PLIN1: variants seen among roughly 807,000 people sequenced by gnomAD.
The protein encoded by PLIN1 is perilipin-1.
Under a neutral mutation model 45.8 loss-of-function variants are expected in PLIN1, and 37 were observed. The observed-to-expected ratio is 0.81, with a 90% CI of 0.62 to 1.06. The LOEUF (loss-of-function observed/expected upper bound fraction) is 1.06. Ranked by LOEUF, PLIN1 falls within the 50% of genes least tolerant of loss-of-function variation. PLIN1 has a pLI of 0.00. For synonymous variants in PLIN1, 340 were observed against 309.2 expected (o/e 1.10, Z -1.05); for missense variants, 776 against 716.5 (o/e 1.08, Z -0.95).
intron 4 of PLIN1, 139 bp from the exon 5 acceptor site, chr15:89,670,383 G>A: frequency 1.2e-6 from 1 of 855,412 alleles, no homozygotes; most frequent in South Asian, 1.8e-5. Context: ...TGATATTTAG[G>A]TACCTGGAAT....
In PLIN1 at chr15:89,674,789, G is replaced by A. The variant is rs927451861; in HGVS notation, c.46-1375C>T. Among the ~76,000 whole-genome samples the A allele has an allele frequency of 4.6e-5, 7 of 152,122 alleles. No homozygotes were observed. In the South Asian group the frequency reaches 1.0e-3, roughly 23 times the overall value. On this transcript the variant is annotated intron_variant, in intron 2 of 8. Coordinates refer to ENST00000300055, the MANE Select transcript of PLIN1 (RefSeq NM_002666.5). Reference sequence around the variant, plus strand: ...TTAAATGGCTCCAGTTCCTAACTTCGTTTACAAATGGTTCACACTGTGGTC... The same window carrying A: ...TTAAATGGCTCCAGTTCCTAACTTCATTTACAAATGGTTCACACTGTGGTC...
Position 89,665,518 on chromosome 15 carries a change from G to C in PLIN1, c.*65C>G. On this transcript the variant is annotated 3_prime_UTR_variant, in exon 9 of 9. Transcript: ENST00000300055. ...GAAAGTGGCAACGCTCGCCTGGGCA[G>C]TGCGGGTTCTGTTTATTTGTTAGAG... 3.3e-6 allele frequency: 5 copies of C among 1,493,796 alleles called. No homozygotes were observed. The highest frequency in any genetic ancestry group is 4.5e-6 in the Non-Finnish European group (5 of 1,117,078). 92.5% of individuals were successfully genotyped at this position (1,493,796 alleles called of 1,614,324 possible).
intron 5 of PLIN1, 131 bp downstream of exon 5, chr15:89,669,849 T>C (rs1964409949): frequency 1.0e-6 from 1 of 986,962 alleles, no homozygotes; most frequent in East Asian, 2.6e-5. Flanking sequence ...GGTAAATGAT[T>C]ATGAATCCAT....
chr15:89,670,953 C>A (rs1005623683), intron 4 of PLIN1, among the ~76,000 whole-genome samples: 1 of 152,144 alleles, frequency 6.6e-6, no homozygotes, highest in East Asian at 1.9e-4. Context: ...GATAGTTGGT[C>A]AGTGAGATAG....
chr15:89,677,314 C>A, intron 2 of PLIN1, 131 bp downstream of exon 2: 1 of 831,538 alleles, frequency 1.2e-6, no homozygotes. Context: ...AATAACTAAG[C>A]CATGGTAGTC....
chr15:89,673,569 A>T (rs933915189), intron 2 of PLIN1, among the ~76,000 whole-genome samples, 155 bp from the exon 3 acceptor site: 1 of 152,154 alleles, frequency 6.6e-6, no homozygotes, highest in African/African-American at 2.4e-5. Context: ...TGCCCCAATC[A>T]TGGGAGCGTG....
At chr15:89,668,514 A>AT (rs1258998276) in intron 6 of PLIN1, among the ~76,000 whole-genome samples, 2 of 152,218 alleles carry the variant, frequency 1.3e-5, no homozygotes, top group African/African-American at 4.8e-5. Flanking sequence ...AGAGTGAAAA[A>AT]TTCAATGAAC....
At chr15:89,669,452 C>A (rs768459291) in intron 6 of PLIN1, 48 bp downstream of exon 6, 4 of 1,535,542 alleles carry the variant, frequency 2.6e-6, no homozygotes, top group Non-Finnish European at 3.6e-6. Flanking sequence ...AGGAGGCCCA[C>A]AGGGCTCCCA....
At chr15:89,671,030 C>A (rs954648124) in intron 4 of PLIN1, among the ~76,000 whole-genome samples, 2 of 152,118 alleles carry the variant, frequency 1.3e-5, no homozygotes, top group Non-Finnish European at 2.9e-5. Flanking sequence ...TAGCAACTAC[C>A]CAATAAATAT....
chr15:89,666,350 G>C (rs528631866), intron 8 of PLIN1, among the ~76,000 whole-genome samples: 2 of 152,276 alleles, frequency 1.3e-5, no homozygotes, highest in Admixed American at 6.5e-5. Context: ...CTGCTTGGTA[G>C]AGTGACTGAG....
intron 2 of PLIN1, among the ~76,000 whole-genome samples, chr15:89,676,448 T>A (rs8179054): frequency 9.9e-5 from 15 of 152,058 alleles, no homozygotes; most frequent in African/African-American, 3.6e-4. Context: ...GGGGTTTCAC[T>A]GTGTTAGCCA....
intron 8 of PLIN1, among the ~76,000 whole-genome samples, chr15:89,666,239 T>A (rs979071404): frequency 1.3e-5 from 2 of 152,176 alleles, no homozygotes; most frequent in Non-Finnish European, 2.9e-5. Flanking sequence ...TCCTAACTCT[T>A]CCTTGCAGCC....
chr15:89,673,275 A>G lies in PLIN1; in HGVS notation c.185T>C (p.Val62Ala). ...GGCAGCCAAGCTACTGGCGCTCTGC[A>G]CGCCCTTCTCATAGGCATTGCACAC... is the stretch of plus-strand genomic sequence containing the variant. The part of the protein sequence containing the change: ...ASVCNAYEKG[V>A]QSASSLAAWS... The change falls in exon 3 of 9, where the codon GTG becomes GCG. Residue 62 changes from valine (V) to alanine (A), a missense_variant. Transcript: ENST00000300055. 1.9e-6 allele frequency: 3 copies of G among 1,581,926 alleles called. No individual in the cohort carries two copies. The highest frequency in any genetic ancestry group is 1.2e-5 in the South Asian group (1 of 86,594).
intron 1 of PLIN1, 95 bp from the exon 2 acceptor site, chr15:89,677,598 G>A: frequency 9.8e-7 from 1 of 1,023,276 alleles, no homozygotes; most frequent in Non-Finnish European, 1.6e-6. Flanking sequence ...CTAGGCCCAG[G>A]CTGCCTGGGG....
Position 89,665,066 on chromosome 15 carries a change from C to G in PLIN1, c.*517G>C, listed in dbSNP as rs1457028249. On this transcript the variant is annotated 3_prime_UTR_variant, in exon 9 of 9. Transcript: ENST00000300055. The stretch of plus-strand genomic sequence containing the variant: ...ATCTGATTGTTCCCTTCAAAGTAGC[C>G]TGCTGGGAGCCTAGATCATCAGAGG... 25 of 386,192 alleles carry G rather than the reference C, an allele frequency of 6.5e-5. No homozygotes were observed. The highest frequency in any genetic ancestry group is 1.2e-4 in the Non-Finnish European group (24 of 194,174). The allele number at this position is 386,192 out of a possible 1,614,324, so 23.9% of individuals were successfully genotyped here.
chr15:89,673,770 T>C (rs541209949), intron 2 of PLIN1, among the ~76,000 whole-genome samples: 3 of 152,208 alleles, frequency 2.0e-5, no homozygotes, highest in African/African-American at 7.2e-5. Flanking sequence ...TCTAGAGTTT[T>C]AGTCCACCTT....
intron 3 of PLIN1, among the ~76,000 whole-genome samples, chr15:89,672,420 T>G (rs1964454076): frequency 6.6e-6 from 1 of 152,224 alleles, no homozygotes; most frequent in Non-Finnish European, 1.5e-5. Flanking sequence ...ATGACTTGGC[T>G]GTCTTCCAGT....
At chr15:89,675,597 A>T (rs563584051) in intron 2 of PLIN1, among the ~76,000 whole-genome samples, 1 of 152,134 alleles carries the variant, frequency 6.6e-6, no homozygotes, top group East Asian at 1.9e-4. Context: ...ACAGAGCAAG[A>T]CTCTATATCT....
chr15:89,673,439 G>A (rs1371779946), intron 2 of PLIN1, 25 bp from the exon 3 acceptor site: 2 of 1,564,468 alleles, frequency 1.3e-6, no homozygotes, highest in Non-Finnish European at 1.7e-6. Context: ...ACACATTCAA[G>A]TTGTCCCACC....
Sources: allele counts gnomAD v4.1 joint callset (sites outside exome capture counted in the v4.1 genomes callset), GRCh38; gene constraint gnomAD v4.1.1; transcripts MANE v1.5; gene names NCBI Gene and HGNC (gene_info 2026-07-23, HGNC 2026-07-21).